Variants in RANBP2 observed in about 807,000 individuals in gnomAD.
The protein encoded by RANBP2 is E3 SUMO-protein ligase RanBP2.
Under a neutral mutation model 303.6 loss-of-function variants are expected in RANBP2, and 57 were observed. The ratio of observed to expected loss-of-function variants is 0.19; its 90% CI spans 0.15 to 0.23. The LOEUF (loss-of-function observed/expected upper bound fraction) is 0.23, where lower values mean the gene tolerates loss of function less well. RANBP2 is among the 10% of genes least tolerant of loss of function. The probability of loss-of-function intolerance (pLI) is 1.00; values close to 1 mark genes in which losing one functional copy is unlikely to be tolerated. For synonymous variants in RANBP2, 1,167 were observed against 1,301.5 expected, an observed-to-expected ratio of 0.90 and a Z score of 2.23; for missense variants, 3,138 against 3,780.8, an observed-to-expected ratio of 0.83 and a Z score of 4.46.
the RANBP2 span, among the ~76,000 whole-genome samples, chr2:109,569,815 T>C: frequency 6.6e-6 from 1 of 151,776 alleles, no homozygotes; most frequent in African/African-American, 2.4e-5. Flanking sequence ...GTAACAGATA[T>C]TGCCCAAAGA....
At chr2:109,609,338 G>T in the RANBP2 span, among the ~76,000 whole-genome samples, 2 of 151,902 alleles carry the variant, frequency 1.3e-5, no homozygotes, top group Non-Finnish European at 2.9e-5. Context: ...AGGATACAAA[G>T]AATAATACAG....
the RANBP2 span, among the ~76,000 whole-genome samples, chr2:108,922,831 A>C: frequency 6.6e-6 from 1 of 152,306 alleles, no homozygotes; most frequent in African/African-American, 2.4e-5. Flanking sequence ...CTTCGTCATA[A>C]ACAGATGCCC....
At chr2:108,739,127 G>A (rs1002990717) in intron 6 of RANBP2, among the ~76,000 whole-genome samples, 22 of 151,976 alleles carry the variant, frequency 1.4e-4, no homozygotes, top group Non-Finnish European at 2.9e-4. Flanking sequence ...GCTCAGCGGG[G>A]CGCGGTGGCT....
intron 2 of RANBP2, among the ~76,000 whole-genome samples, chr2:108,730,393 A>G (rs1212853725): frequency 6.6e-6 from 1 of 151,772 alleles, no homozygotes; most frequent in Non-Finnish European, 1.5e-5. Context: ...GCTGTTTAGT[A>G]TTTTGCATTA....
At chr2:108,853,981 AT>A in the RANBP2 span, among the ~76,000 whole-genome samples, 46 of 26,890 alleles carry the variant, frequency 1.7e-3, no homozygotes, top group South Asian at 2.7e-3. Context: ...TATATAATAT[AT>A]AATATATAAT....
the RANBP2 span, among the ~76,000 whole-genome samples, chr2:109,126,419 C>T: frequency 6.6e-6 from 1 of 152,170 alleles, no homozygotes; most frequent in Non-Finnish European, 1.5e-5. Context: ...CCCAGCACGG[C>T]AATTCTTCTG....
the RANBP2 span, among the ~76,000 whole-genome samples, chr2:109,535,443 CG>C: frequency 6.6e-6 from 1 of 152,126 alleles, no homozygotes; most frequent in East Asian, 1.9e-4. Context: ...ACATTTGACA[CG>C]GGTAGGGCTG....
the RANBP2 span, among the ~76,000 whole-genome samples, chr2:108,862,050 C>T: frequency 6.8e-6 from 1 of 147,614 alleles, no homozygotes; most frequent in Non-Finnish European, 1.5e-5. Context: ...TCCACTATGG[C>T]CCAAGAGGAT....
At chr2:109,178,163 A>G in the RANBP2 span, among the ~76,000 whole-genome samples, 1 of 152,238 alleles carries the variant, frequency 6.6e-6, no homozygotes, top group Non-Finnish European at 1.5e-5. Context: ...AGGGTAAGGA[A>G]AAAATATGAG....
At chr2:109,392,806 C>T in the RANBP2 span, among the ~76,000 whole-genome samples, 1,112 of 152,274 alleles carry the variant, frequency 7.3e-3, 13 homozygotes, top group East Asian at 0.052. Context: ...TCAGCCACCA[C>T]GCACGGCCCC....
At position 108,731,393 on chromosome 2, in the gene RANBP2, T is replaced by C. The variant is rs375199174; in HGVS notation, c.324T>C (p.Asp108=). Residue 108 remains aspartate (D), a synonymous_variant, in exon 4 of 29, where the codon GAT becomes GAC. Coordinates refer to ENST00000283195, the MANE Select transcript of RANBP2 (RefSeq NM_006267.5). ...TTGCAGAATTGCTTTGTAAAAATGA[T>C]GTTACTGATGGAAGAGCAAAATACT... ...LKIAELLCKN[D]VTDGRAKYWL... is the part of the protein sequence containing the mutation. 13 of 1,611,560 alleles carry C rather than the reference T, an allele frequency of 8.1e-6. No homozygotes were observed. The African/African-American group carries it at 1.5e-4, about 18-fold the overall frequency.
At chr2:109,633,620 C>G in the RANBP2 span, among the ~76,000 whole-genome samples, 1 of 152,114 alleles carries the variant, frequency 6.6e-6, no homozygotes. Flanking sequence ...GGACACAGCC[C>G]TGCAGAGCCA....
At chr2:109,316,719 CA>C in the RANBP2 span, among the ~76,000 whole-genome samples, 1 of 152,182 alleles carries the variant, frequency 6.6e-6, no homozygotes, top group Non-Finnish European at 1.5e-5. Flanking sequence ...CGGGTTTGGA[CA>C]AATCTATAAT....
the RANBP2 span, among the ~76,000 whole-genome samples, chr2:109,238,177 G>T: frequency 6.6e-6 from 1 of 152,088 alleles, no homozygotes; most frequent in African/African-American, 2.4e-5. Context: ...TCTAGCTTGG[G>T]TGACAGAGTG....
At chr2:109,277,382 G>T in the RANBP2 span, among the ~76,000 whole-genome samples, 1 of 152,062 alleles carries the variant, frequency 6.6e-6, no homozygotes, top group Non-Finnish European at 1.5e-5. Context: ...ATGTGACCCC[G>T]GCCTCGGTGA....
At chr2:109,436,995 G>T in the RANBP2 span, 1 of 1,613,704 alleles carries the variant, frequency 6.2e-7, no homozygotes, top group African/African-American at 1.3e-5. Flanking sequence ...GTGGGAGTCT[G>T]AGCAGCCTGG....
At chr2:109,236,733 G>A in the RANBP2 span, among the ~76,000 whole-genome samples, 1 of 152,166 alleles carries the variant, frequency 6.6e-6, no homozygotes, top group Non-Finnish European at 1.5e-5. Context: ...TTACAGCATG[G>A]ACTGTTTCCT....
At chr2:109,675,823 A>T in the RANBP2 span, among the ~76,000 whole-genome samples, 4 of 152,288 alleles carry the variant, frequency 2.6e-5, no homozygotes, top group Non-Finnish European at 5.9e-5. Context: ...TGTGGAGCAG[A>T]ACAACTCCAG....
At chr2:108,747,527 A>G (rs541337079) in intron 8 of RANBP2, among the ~76,000 whole-genome samples, 185 of 152,312 alleles carry the variant, frequency 1.2e-3, no homozygotes, top group African/African-American at 4.4e-3. Context: ...TCCATAGCTC[A>G]CTTTTTTTTG....
Sources: gnomAD v4.1 joint callset for allele counts (sites outside exome capture counted in the v4.1 genomes callset) on GRCh38, gnomAD v4.1.1 for gene constraint, MANE v1.5 for transcripts, NCBI Gene and HGNC (gene_info 2026-07-23, HGNC 2026-07-21) for gene names.